HTT: variants seen among roughly 807,000 people sequenced by gnomAD.
HTT encodes huntington disease protein.
A neutral mutation model predicts 362.3 loss-of-function variants in HTT; 104 were observed. The ratio of observed to expected loss-of-function variants is 0.29; its 90% CI spans 0.24 to 0.34. The LOEUF is 0.34. Among genes scored for constraint, HTT ranks in the 10% least tolerant of loss-of-function variants. HTT has a pLI of 1.00. For synonymous variants in HTT, 1,577 were observed against 1,548.7 expected, an observed-to-expected ratio of 1.02 and a Z score of -0.43; for missense variants, 3,301 against 3,928.6, an observed-to-expected ratio of 0.84 and a Z score of 4.27.
chr4:3,208,983 G>A, intron 46 of HTT, 72 bp downstream of exon 46: 1 of 1,469,458 alleles, frequency 6.8e-7, no homozygotes, highest in Non-Finnish European at 9.1e-7. Flanking sequence ...CAGATACAGA[G>A]AGTGCAGAGG....
chr4:3,195,921 C>T (rs3025830), intron 40 of HTT, among the ~76,000 whole-genome samples: 3,183 of 152,240 alleles, frequency 0.021, 95 homozygotes, highest in African/African-American at 0.069. Context: ...GGTGTTCTCT[C>T]GTGGTGACAG....
chr4:3,132,852 C>T lies in HTT; in HGVS notation c.2434C>T (p.Arg812Trp), dbSNP rs377013397. The change falls in exon 18 of 67, where the codon CGG becomes TGG. Residue 812 changes from arginine to tryptophan, a missense_variant. Around this residue, in one of 4 missense-constraint regions of HTT, gnomAD observed 2,316 missense variants for 2,658.5 expected, o/e 0.87. Transcript: ENST00000355072. ...FSLADCIPLL[R>W]KTLKDESSVT... ...TTTGGCGGATTGCATTCCTTTGCTG[C>T]GGAAAACACTGAAGGATGAGTCTTC... 4.8e-5 allele frequency: 78 copies of T among 1,613,932 alleles called. No homozygotes were observed. Among genetic ancestry groups the T allele is most frequent in the Middle Eastern group, 1.6e-4 (1 of 6,082 alleles).
chr4:3,172,840 T>C (rs1209965630), intron 30 of HTT, 68 bp from the exon 31 acceptor site: 12 of 1,069,284 alleles, frequency 1.1e-5, no homozygotes, highest in South Asian at 2.5e-5. Flanking sequence ...GGATTTGATA[T>C]TTGTGTGGGA....
chr4:3,184,880 G>A (rs1281021419), intron 37 of HTT, among the ~76,000 whole-genome samples: 1 of 152,170 alleles, frequency 6.6e-6, no homozygotes, highest in Non-Finnish European at 1.5e-5. Flanking sequence ...TCAGGTAGGT[G>A]AGGGGAGCCA....
rs1712379289 is a variant in HTT at position 3,074,814 on chromosome 4, C to CG, written c.-9dup. ...GGCCTCCGGGGACTGCCGTGCCGGG[C>CG]GGGAGACCGCCATGGCGACCCTGGA... is the stretch of plus-strand genomic sequence containing the variant. On this transcript the variant is annotated 5_prime_UTR_variant, in exon 1 of 67. Transcript: ENST00000355072. 1.3e-6 allele frequency: 2 copies of CG among 1,511,646 alleles called. No individual in the cohort carries two copies. The highest frequency in any genetic ancestry group is 5.4e-5 in the East Asian group (2 of 37,064). The allele number at this position is 1,511,646 out of a possible 1,614,324, so 93.6% of individuals were successfully genotyped here. A position where few individuals can be genotyped will look rare whatever the true frequency, so the allele number is the denominator to read the frequency against.
intron 29 of HTT, among the ~76,000 whole-genome samples, chr4:3,164,373 A>T (rs1043066922): frequency 2.0e-5 from 3 of 152,120 alleles, no homozygotes; most frequent in Admixed American, 6.6e-5. Context: ...GAATAAGTGC[A>T]ATGTGGTGCT....
intron 40 of HTT, among the ~76,000 whole-genome samples, chr4:3,190,095 A>G (rs1718945565): frequency 6.6e-6 from 1 of 152,144 alleles, no homozygotes; most frequent in African/African-American, 2.4e-5. Context: ...TGTAATCCCA[A>G]CACTTTGGGA....
At position 3,206,554 on chromosome 4, in the gene HTT, A is replaced by T; in HGVS notation, c.5777A>T (p.Asp1926Val). Residue 1926 changes from aspartate to valine, a missense_variant, in exon 43 of 67, where the codon GAT (aspartate) becomes GTT (valine). By Grantham distance (152) the Asp-to-Val change is radical. Around this residue, in one of 4 missense-constraint regions of HTT, gnomAD observed 2,316 missense variants for 2,658.5 expected, o/e 0.87. Transcript: ENST00000355072. This position sits in a 1 kb window ranked among gnomAD's most constrained non-coding sequence, Gnocchi z 4.6. ...LTWLIVNHIQ[D>V]LISLSHEPPV... ...TGGCTCATTGTAAATCACATTCAAGATCTGATCAGCCTTTCCCACGAGCCT... is the reference window on the plus strand; with the variant it reads ...TGGCTCATTGTAAATCACATTCAAGTTCTGATCAGCCTTTCCCACGAGCCT... 4 of 1,614,112 alleles carry T rather than the reference A, an allele frequency of 2.5e-6. No individual in the cohort carries two copies. Among genetic ancestry groups the T allele is most frequent in the Non-Finnish European group, 3.4e-6 (4 of 1,180,006 alleles).
In HTT at chr4:3,175,035, G is replaced by A. The variant is rs370860020; in HGVS notation, c.4335G>A (p.Gln1445=). The A allele has an allele frequency of 1.9e-6, 3 of 1,614,024 alleles. No homozygotes were observed. Among genetic ancestry groups the A allele is most frequent in the East Asian group, 4.5e-5 (2 of 44,888 alleles). Residue 1445 remains glutamine (Q), a synonymous_variant, in exon 33 of 67, where the codon CAG becomes CAA. Coordinates refer to ENST00000355072, the MANE Select transcript of HTT (RefSeq NM_001388492.1). The part of the protein sequence containing the change: ...QYTTTTCVQL[Q]KQVLDLLAQL... ...CGACTACAACATGTGTGCAGTTACA[G>A]AAGCAGGTTTTAGATTTGCTGGCGC...
intron 28 of HTT, 149 bp from the exon 29 acceptor site, chr4:3,160,133 C>G (rs1717364398): frequency 1.8e-6 from 1 of 546,962 alleles, no homozygotes; most frequent in Non-Finnish European, 3.4e-6. Flanking sequence ...GTGCTGACAA[C>G]AAACACGCAG....
chr4:3,225,597 A>C, intron 56 of HTT, 64 bp from the exon 57 acceptor site: 1 of 1,446,782 alleles, frequency 6.9e-7, no homozygotes, highest in Non-Finnish European at 9.6e-7. Flanking sequence ...CTGGGCTGGT[A>C]TGGGGTGGGC....
At chr4:3,085,011 C>T (rs1713130011) in intron 1 of HTT, among the ~76,000 whole-genome samples, 1 of 148,524 alleles carries the variant, frequency 6.7e-6, no homozygotes. Flanking sequence ...AAGACTCCGT[C>T]TCGGGGGAAA....
rs746684809 is a variant in HTT at position 3,238,879 on chromosome 4, C to A, written c.9116C>A (p.Ser3039Tyr). ...SSMVRDWVML[S>Y]LSNFTQRAPV... ...ATGGTCCGGGACTGGGTCATGCTGT[C>A]CCTCTCCAACTTCACGCAGAGGGCC... Residue 3039 changes from serine to tyrosine, a missense_variant, in exon 66 of 67, where the codon TCC becomes TAC. Ser to Tyr is a moderately radical substitution (Grantham distance 144, BLOSUM62 -2). Around this residue, in one of 4 missense-constraint regions of HTT, gnomAD observed 753 missense variants for 1,021.3 expected, o/e 0.74. Transcript: ENST00000355072. 1.2e-6 allele frequency: 2 copies of A among 1,612,726 alleles called. No individual in the cohort carries two copies. The highest frequency in any genetic ancestry group is 8.5e-7 in the Non-Finnish European group (1 of 1,179,844).
At chr4:3,086,510 AT>A (rs1713217972) in intron 1 of HTT, among the ~76,000 whole-genome samples, 1 of 152,154 alleles carries the variant, frequency 6.6e-6, no homozygotes, top group East Asian at 1.9e-4. Flanking sequence ...TCTACAAAAT[AT>A]TTTGAAAAAA....
rs374391779 is a variant in HTT at position 3,236,204 on chromosome 4, C to T, written c.8841C>T (p.Asp2947=). 18 of 1,614,086 alleles carry T rather than the reference C, an allele frequency of 1.1e-5. No homozygotes were observed. The highest frequency in any genetic ancestry group is 1.6e-4 in the Middle Eastern group (1 of 6,084). Residue 2947 remains aspartate (D), a synonymous_variant, in exon 64 of 67, where the codon GAC becomes GAT. Transcript: ENST00000355072. The part of the protein sequence containing the change: ...RTSDPNPAAP[D]SESVIVAMER... ...CAGACCCTAATCCTGCAGCCCCCGA[C>T]AGCGAGTCAGTGATTGTTGCTATGG...
At chr4:3,231,530 C>T (rs1407943631) in intron 60 of HTT, among the ~76,000 whole-genome samples, 1 of 152,176 alleles carries the variant, frequency 6.6e-6, no homozygotes, top group Non-Finnish European at 1.5e-5. Flanking sequence ...GAGCCTGACT[C>T]CCTCTCTGCG....
intron 29 of HTT, among the ~76,000 whole-genome samples, chr4:3,167,132 C>T (rs1717756069): frequency 6.6e-6 from 1 of 152,238 alleles, no homozygotes; most frequent in South Asian, 2.1e-4. Flanking sequence ...CGTGCATCGG[C>T]ACAATCTCGG....
intron 6 of HTT, among the ~76,000 whole-genome samples, chr4:3,108,396 TC>T (rs1331860852): frequency 0.015 from 2,311 of 152,340 alleles, 61 homozygotes; most frequent in African/African-American, 0.053. Context: ...TTCTTCATGC[TC>T]AGTAAATGGT....
Position 3,140,631 on chromosome 4 carries a change from C to T in HTT, c.2920C>T (p.His974Tyr). 6.2e-7 allele frequency: 1 copy of T among 1,614,134 alleles called. No individual in the cohort carries two copies. The highest frequency in any genetic ancestry group is 8.5e-7 in the Non-Finnish European group (1 of 1,179,972). Reference sequence around the variant, plus strand: ...CATGCATGAGACGCAGCCTCCATCTCATTTCTCCGTCAGCACAATAACCAG... The same window carrying T: ...CATGCATGAGACGCAGCCTCCATCTTATTTCTCCGTCAGCACAATAACCAG... ...LLMHETQPPSHFSVSTITRIY... is the reference protein window; with the variant it reads ...LLMHETQPPSYFSVSTITRIY... The change falls in exon 22 of 67, where the codon CAT (histidine) becomes TAT (tyrosine). Residue 974 changes from histidine to tyrosine, a missense_variant. His to Tyr is a moderately conservative substitution (Grantham distance 83). Transcript: ENST00000355072.
Sources: allele counts gnomAD v4.1 joint callset (sites outside exome capture counted in the v4.1 genomes callset), GRCh38; gene constraint gnomAD v4.1.1; regional missense constraint gnomAD v4.1.1; non-coding constraint Gnocchi (gnomAD v3.1); transcripts MANE v1.5; gene names NCBI Gene and HGNC (gene_info 2026-07-23, HGNC 2026-07-21).